The following TRAPPC9 variants were observed in gnomAD, a reference collection of about 807,000 sequenced individuals.
The protein encoded by TRAPPC9 is trafficking protein particle complex subunit 9, also known as IKK2 binding protein.
A neutral mutation model predicts 124.0 loss-of-function variants in TRAPPC9; 83 were observed. The observed-to-expected ratio is 0.67, with a 90% CI of 0.56 to 0.80. The LOEUF (loss-of-function observed/expected upper bound fraction) is 0.80. TRAPPC9 is among the 30% of genes least tolerant of loss of function. TRAPPC9 has a pLI of 0.00. For missense variants in TRAPPC9, 1,302 were observed against 1,508.3 expected (o/e 0.86, Z 2.27); for synonymous variants, 638 against 617.5 (o/e 1.03, Z -0.49).
chr8:139,842,546 C>T (rs973675534), intron 21 of TRAPPC9, among the ~76,000 whole-genome samples: 2 of 152,208 alleles, frequency 1.3e-5, no homozygotes, highest in African/African-American at 4.8e-5. Context: ...AGTCGGCAGG[C>T]GATTCATCAC....
At position 140,063,534 on chromosome 8, in the gene TRAPPC9, G is replaced by A. The variant is rs1842748722; in HGVS notation, c.2557-39455C>T. ...AGCCTATACCATAAGAGGCCCAGGA[G>A]AAATGTTTGTTGAATGGATCGGGGA... On this transcript the variant is annotated intron_variant, in intron 17 of 22. Coordinates refer to ENST00000438773, the MANE Select transcript of TRAPPC9 (RefSeq NM_001160372.4). This position sits in a 1 kb window ranked among gnomAD's most constrained non-coding sequence, Gnocchi z 4.3. 6.6e-6 allele frequency among the ~76,000 whole-genome samples: 1 copy of A among 152,188 alleles called. No homozygotes were observed. The highest frequency in any genetic ancestry group is 2.1e-4 in the South Asian group (1 of 4,830).
intron 17 of TRAPPC9, among the ~76,000 whole-genome samples, chr8:140,142,443 T>C (rs1290045523): frequency 2.0e-5 from 3 of 152,360 alleles, no homozygotes; most frequent in Non-Finnish European, 4.4e-5. Flanking sequence ...GCAGCCCCGG[T>C]GTCCACATGG....
intron 21 of TRAPPC9, among the ~76,000 whole-genome samples, chr8:139,761,527 C>T (rs1346271126): frequency 6.6e-6 from 1 of 152,150 alleles, no homozygotes; most frequent in Non-Finnish European, 1.5e-5. Flanking sequence ...TTGCCCACCT[C>T]CTCCTCCCAA....
At chr8:139,952,519 C>T (rs763729360) in intron 19 of TRAPPC9, among the ~76,000 whole-genome samples, 3 of 152,276 alleles carry the variant, frequency 2.0e-5, no homozygotes, top group Admixed American at 6.5e-5. Flanking sequence ...CCCGGCAGCT[C>T]GGGTCACCAG....
At chr8:139,977,403 C>T (rs557241670) in intron 19 of TRAPPC9, among the ~76,000 whole-genome samples, 7 of 151,996 alleles carry the variant, frequency 4.6e-5, no homozygotes, top group Admixed American at 1.3e-4. Flanking sequence ...GGGTGGATCA[C>T]GAGGTCAGAT....
intron 19 of TRAPPC9, among the ~76,000 whole-genome samples, chr8:139,982,965 G>A (rs1045840769): frequency 6.6e-5 from 10 of 152,086 alleles, no homozygotes; most frequent in East Asian, 3.9e-4. Context: ...CTGCTCACTC[G>A]TCACGTCGTG....
intron 4 of TRAPPC9, among the ~76,000 whole-genome samples, chr8:140,428,282 T>C (rs2070499828): frequency 1.3e-5 from 2 of 152,184 alleles, no homozygotes; most frequent in Admixed American, 1.3e-4. Context: ...TTAACCAAAC[T>C]TGTAAGAGAC....
chr8:140,124,439 G>T (rs2061045029), intron 17 of TRAPPC9, among the ~76,000 whole-genome samples: 2 of 152,240 alleles, frequency 1.3e-5, no homozygotes, highest in Admixed American at 1.3e-4. Flanking sequence ...GGATGATCCA[G>T]GATCGCCTCC....
At chr8:139,947,903 T>TAG (rs1563944147) in intron 19 of TRAPPC9, among the ~76,000 whole-genome samples, 2 of 25,484 alleles carry the variant, frequency 7.8e-5, no homozygotes, top group African/African-American at 1.0e-4. Context: ...TGTATATATA[T>TAG]ATATAGAGAG....
At chr8:139,934,074 C>T (rs953425451) in intron 19 of TRAPPC9, 1 of 152,162 alleles carries the variant, frequency 6.6e-6, no homozygotes, top group East Asian at 1.9e-4. Flanking sequence ...AAGTTATACT[C>T]AGCAGAATTC....
At chr8:139,871,663 G>T (rs569611501) in intron 21 of TRAPPC9, among the ~76,000 whole-genome samples, 1 of 152,348 alleles carries the variant, frequency 6.6e-6, no homozygotes, top group East Asian at 1.9e-4. Context: ...AAAGCAGCAG[G>T]CAGCTAGAGG....
intron 15 of TRAPPC9, among the ~76,000 whole-genome samples, chr8:140,264,628 G>C (rs1358632491): frequency 2.7e-5 from 4 of 149,972 alleles, no homozygotes; most frequent in African/African-American, 9.8e-5. Flanking sequence ...GAGAGAGAGC[G>C]GAGGGGGAGG....
chr8:140,294,199 T>A (rs980457976), intron 11 of TRAPPC9, among the ~76,000 whole-genome samples: 7 of 152,082 alleles, frequency 4.6e-5, no homozygotes, highest in African/African-American at 1.7e-4. Flanking sequence ...CCTTCCCTCA[T>A]CCCAGCTTCC....
At chr8:140,064,168 C>A (rs1345475566) in intron 17 of TRAPPC9, among the ~76,000 whole-genome samples, 1 of 152,132 alleles carries the variant, frequency 6.6e-6, no homozygotes, top group Admixed American at 6.5e-5. Context: ...TAACAAATTT[C>A]TATGCCAATT....
chr8:140,456,904 T>A, intron 1 of TRAPPC9: 4 of 902,564 alleles, frequency 4.4e-6, no homozygotes, highest in Non-Finnish European at 5.3e-6. Context: ...TAACAGACAT[T>A]CACGTTGGGA....
intron 17 of TRAPPC9, among the ~76,000 whole-genome samples, chr8:140,203,321 C>T (rs1013157502): frequency 9.2e-5 from 14 of 152,302 alleles, no homozygotes; most frequent in African/African-American, 3.4e-4. Context: ...GCTTCATGGT[C>T]GTGATCTCTG....
At chr8:140,363,124 C>A (rs2132192896) in intron 8 of TRAPPC9, among the ~76,000 whole-genome samples, 1 of 152,334 alleles carries the variant, frequency 6.6e-6, no homozygotes. Flanking sequence ...GCAAATCCAT[C>A]TGCCTTAGCA....
intron 21 of TRAPPC9, among the ~76,000 whole-genome samples, chr8:139,750,041 G>T (rs1819209601): frequency 6.6e-6 from 1 of 152,052 alleles, no homozygotes; most frequent in South Asian, 2.1e-4. Flanking sequence ...ACCGGGTGAG[G>T]AGTGTCCCCC....
intron 20 of TRAPPC9, among the ~76,000 whole-genome samples, chr8:139,900,063 C>T (rs909414952): frequency 1.1e-4 from 17 of 152,166 alleles, no homozygotes; most frequent in African/African-American, 3.9e-4. Flanking sequence ...AAGGTGATCC[C>T]GTCACTCGCT....
Sources: allele counts gnomAD v4.1 joint callset (sites outside exome capture counted in the v4.1 genomes callset), GRCh38; gene constraint gnomAD v4.1.1; non-coding constraint Gnocchi (gnomAD v3.1); transcripts MANE v1.5; gene names NCBI Gene and HGNC (gene_info 2026-07-23, HGNC 2026-07-21).